Variants in ATP8A2 observed in about 807,000 individuals in gnomAD.
The protein encoded by ATP8A2 is phospholipid-transporting ATPase IB.
Under a neutral mutation model 165.6 loss-of-function variants are expected in ATP8A2, and 100 were observed. The observed-to-expected ratio is 0.60, with a 90% CI of 0.51 to 0.71. The LOEUF (loss-of-function observed/expected upper bound fraction) is 0.71. Ranked by LOEUF, ATP8A2 falls within the 30% of genes least tolerant of loss-of-function variation. ATP8A2 has a pLI of 0.00. For missense variants in ATP8A2, 1,227 were observed against 1,479.5 expected (o/e 0.83, Z 2.80); for synonymous variants, 543 against 548.8 (o/e 0.99, Z 0.15).
intron 33 of ATP8A2, among the ~76,000 whole-genome samples, chr13:25,920,637 C>A (rs753177451): frequency 2.0e-5 from 3 of 152,246 alleles, no homozygotes; most frequent in African/African-American, 7.2e-5. Flanking sequence ...ACCTCACGGT[C>A]TCTGGCCAGG....
At chr13:25,983,883 T>G (rs1956220091) in intron 35 of ATP8A2, among the ~76,000 whole-genome samples, 1 of 151,904 alleles carries the variant, frequency 6.6e-6, no homozygotes, top group Non-Finnish European at 1.5e-5. Context: ...CAAGGAAAAT[T>G]AGAATTCCCA....
chr13:25,420,370 A>G (rs573839577), intron 1 of ATP8A2, among the ~76,000 whole-genome samples: 1 of 152,320 alleles, frequency 6.6e-6, no homozygotes, highest in Admixed American at 6.5e-5. Context: ...GGTGGCCAGG[A>G]GTGGTTTTGG....
chr13:25,578,665 A>G, intron 20 of ATP8A2, 150 bp from the exon 21 acceptor site: 1 of 663,020 alleles, frequency 1.5e-6, no homozygotes, highest in Non-Finnish European at 2.7e-6. Context: ...TCCAAAGCTC[A>G]TGCCTGAGCC....
rs557125830 is a variant in ATP8A2, at chr13:25,953,786, G to T, written c.3184-7789G>T. 2.5e-3 allele frequency among the ~76,000 whole-genome samples: 385 copies of T among 152,234 alleles called. 2 individuals are homozygous for T. The highest frequency in any genetic ancestry group is 9.0e-3 in the African/African-American group (372 of 41,554). ...CCCTCCCCTAGCCGAGGGAAGCCGT[G>T]AGGGACTGTGCTGTAAGGAACCATG... On this transcript the variant is annotated intron_variant, in intron 33 of 36. Transcript: ENST00000381655. The surrounding 1 kb of genome is among the most constrained non-coding windows in gnomAD (Gnocchi z 6.7).
intron 25 of ATP8A2, among the ~76,000 whole-genome samples, chr13:25,715,947 CA>C (rs1470723611): frequency 5.3e-5 from 8 of 152,174 alleles, no homozygotes; most frequent in Non-Finnish European, 1.0e-4. Context: ...TTTCCACTAG[CA>C]ATGTGTGAGG....
intron 24 of ATP8A2, among the ~76,000 whole-genome samples, chr13:25,641,113 T>C (rs952045765): frequency 7.2e-5 from 11 of 152,280 alleles, no homozygotes; most frequent in African/African-American, 2.4e-4. Flanking sequence ...CTCAAAATAG[T>C]AAGAGCTGTT....
At chr13:25,760,652 A>T (rs940810971) in intron 25 of ATP8A2, among the ~76,000 whole-genome samples, 67 of 152,172 alleles carry the variant, frequency 4.4e-4, no homozygotes, top group Non-Finnish European at 7.3e-4. Flanking sequence ...ACTTCCTATC[A>T]TTATTAAATA....
intron 24 of ATP8A2, among the ~76,000 whole-genome samples, chr13:25,631,907 A>C (rs939189239): frequency 9.9e-5 from 15 of 152,086 alleles, no homozygotes; most frequent in African/African-American, 2.7e-4. Flanking sequence ...TCTAGCAGCA[A>C]ACACCAACTG....
At chr13:25,798,647 T>C (rs893643528) in intron 27 of ATP8A2, among the ~76,000 whole-genome samples, 2 of 152,142 alleles carry the variant, frequency 1.3e-5, no homozygotes, top group Non-Finnish European at 1.5e-5. Context: ...TTATAAGGGA[T>C]GGTTTTTAGA....
chr13:25,886,390 G>A (rs147606644), intron 33 of ATP8A2, among the ~76,000 whole-genome samples: 57 of 152,324 alleles, frequency 3.7e-4, no homozygotes, highest in Middle Eastern at 3.4e-3. Flanking sequence ...GGGTTTGACT[G>A]TGTGAGTTTT....
rs931348753 is a variant in ATP8A2 at position 25,784,243 on chromosome 13, A to G, written c.2679+9284A>G. On this transcript the variant is annotated intron_variant, in intron 27 of 36. Coordinates refer to ENST00000381655, the MANE Select transcript of ATP8A2 (RefSeq NM_016529.6). ...TTAATCTCCTTGGAATAAAAAAAAA[A>G]TGCAAGTCCAGAAACAGAGCCCATG... Among the ~76,000 whole-genome samples, 4 of 152,252 alleles carry G rather than the reference A, an allele frequency of 2.6e-5. No homozygotes were observed. The East Asian group carries it at 7.7e-4, about 29-fold the overall frequency.
intron 5 of ATP8A2, among the ~76,000 whole-genome samples, 193 bp downstream of exon 5, chr13:25,532,510 T>C (rs1321307992): frequency 1.3e-5 from 2 of 152,196 alleles, no homozygotes; most frequent in Non-Finnish European, 1.5e-5. Context: ...ACAGCATTTG[T>C]GTATTTTAGA....
intron 14 of ATP8A2, 84 bp from the exon 15 acceptor site, chr13:25,559,637 T>C: frequency 1.9e-6 from 2 of 1,026,590 alleles, no homozygotes; most frequent in East Asian, 2.4e-5. Context: ...GTATATCTAA[T>C]CTAAGAATTA....
At chr13:25,972,981 A>T (rs777657336) in intron 35 of ATP8A2, among the ~76,000 whole-genome samples, 1 of 152,206 alleles carries the variant, frequency 6.6e-6, no homozygotes, top group East Asian at 1.9e-4. Context: ...TGAGTTATGC[A>T]TAGCCTGAAT....
chr13:25,388,833 A>C (rs1433670907), intron 1 of ATP8A2, among the ~76,000 whole-genome samples: 1 of 152,032 alleles, frequency 6.6e-6, no homozygotes, highest in Non-Finnish European at 1.5e-5. Context: ...GCAGGAGGGG[A>C]AGTTGGGGTG....
At chr13:25,752,841 A>G (rs965576440) in intron 25 of ATP8A2, among the ~76,000 whole-genome samples, 6 of 152,086 alleles carry the variant, frequency 3.9e-5, no homozygotes, top group Admixed American at 2.6e-4. Context: ...ATCTCTATCC[A>G]TGGTCTCAGA....
intron 5 of ATP8A2, 148 bp from the exon 6 acceptor site, chr13:25,533,125 G>A: frequency 1.6e-6 from 1 of 627,188 alleles, no homozygotes; most frequent in South Asian, 1.8e-5. Context: ...CATTTTGAGG[G>A]TGGGGGTGCT....
At chr13:25,961,785 C>T in intron 34 of ATP8A2, 122 bp downstream of exon 34, 1 of 756,768 alleles carries the variant, frequency 1.3e-6, no homozygotes, top group Non-Finnish European at 2.2e-6. Flanking sequence ...GGGTCTCCTG[C>T]CACCTGCCAG....
intron 2 of ATP8A2, among the ~76,000 whole-genome samples, chr13:25,512,375 T>C (rs111941866): frequency 0.68 from 102,059 of 150,000 alleles, 35,878 homozygotes; most frequent in African/African-American, 0.75. Flanking sequence ...CATCATGGCC[T>C]GTTCTCAATG....
Sources: gnomAD v4.1 joint callset for allele counts (sites outside exome capture counted in the v4.1 genomes callset) on GRCh38, gnomAD v4.1.1 for gene constraint, Gnocchi (gnomAD v3.1) non-coding constraint, MANE v1.5 for transcripts, NCBI Gene and HGNC (gene_info 2026-07-23, HGNC 2026-07-21) for gene names.